GRIK4: variants seen among roughly 807,000 people sequenced by gnomAD.
GRIK4 encodes the protein glutamate receptor ionotropic, kainate 4.
Under a neutral mutation model 104.9 loss-of-function variants are expected in GRIK4, and 40 were observed. The ratio of observed to expected loss-of-function variants is 0.38; its 90% confidence interval spans 0.30 to 0.50. GRIK4 has a LOEUF of 0.50. GRIK4 is among the 20% of genes least tolerant of loss of function. GRIK4 has a pLI of 0.93. For missense variants in GRIK4, 1,047 were observed against 1,308.1 expected (o/e 0.80, Z 3.08); for synonymous variants, 485 against 524.9 (o/e 0.92, Z 1.04).
chr11:120,833,875 C>T lies in GRIK4; in HGVS notation c.690+1845C>T, dbSNP rs534060774. ...TTTTTGTCCACACTTAATTCTATGC[C>T]GTGCATTTTCCCCATGTCATTAAAC... On this transcript the variant is annotated intron_variant, in intron 7 of 20. Coordinates refer to ENST00000527524, the MANE Select transcript of GRIK4 (RefSeq NM_014619.5). 5.3e-5 allele frequency among the ~76,000 whole-genome samples: 8 copies of T among 152,218 alleles called. No homozygotes were observed. In the South Asian group the frequency reaches 8.3e-4, roughly 16 times the overall value.
At chr11:120,533,021 G>A (rs768434522) in intron 1 of GRIK4, among the ~76,000 whole-genome samples, 4 of 152,178 alleles carry the variant, frequency 2.6e-5, no homozygotes, top group Non-Finnish European at 4.4e-5. Context: ...GATGCAATGC[G>A]GTGTGATGTG....
At chr11:120,722,280 T>C (rs1198616710) in intron 3 of GRIK4, among the ~76,000 whole-genome samples, 1 of 152,240 alleles carries the variant, frequency 6.6e-6, no homozygotes, top group Non-Finnish European at 1.5e-5. Flanking sequence ...ACTTCCGCCA[T>C]GATGGAGGTA....
At chr11:120,654,334 G>T (rs928754991) in intron 2 of GRIK4, among the ~76,000 whole-genome samples, 1 of 152,250 alleles carries the variant, frequency 6.6e-6, no homozygotes, top group Admixed American at 6.5e-5. Flanking sequence ...TGAGTGCGTG[G>T]CCATGAAGAG....
At chr11:120,809,159 G>A (rs935572065) in intron 4 of GRIK4, among the ~76,000 whole-genome samples, 9 of 152,188 alleles carry the variant, frequency 5.9e-5, no homozygotes, top group Admixed American at 3.3e-4. Context: ...TAAGTTCCAC[G>A]ACGCCCCTCA....
At chr11:120,799,006 T>A (rs1241661376) in intron 3 of GRIK4, among the ~76,000 whole-genome samples, 1 of 152,252 alleles carries the variant, frequency 6.6e-6, no homozygotes, top group East Asian at 1.9e-4. Flanking sequence ...GAGCAGACCC[T>A]TTGGTGTGTG....
At chr11:120,941,739 G>A (rs1011918879) in intron 14 of GRIK4, among the ~76,000 whole-genome samples, 3 of 152,016 alleles carry the variant, frequency 2.0e-5, no homozygotes, top group Admixed American at 6.6e-5. Flanking sequence ...AAGGGACACC[G>A]GGTATTGCTA....
intron 1 of GRIK4, among the ~76,000 whole-genome samples, chr11:120,592,554 C>G (rs887227869): frequency 6.6e-6 from 1 of 152,076 alleles, no homozygotes; most frequent in African/African-American, 2.4e-5. Context: ...GATTTTTTAT[C>G]GAATGATGTT....
intron 1 of GRIK4, among the ~76,000 whole-genome samples, chr11:120,567,535 A>G (rs1948346196): frequency 6.6e-6 from 1 of 152,150 alleles, no homozygotes; most frequent in Non-Finnish European, 1.5e-5. Context: ...TAGAAAGGGG[A>G]TTTCGTGTTA....
At position 120,905,533 on chromosome 11, in the gene GRIK4, G is replaced by T; in HGVS notation, c.1476+40G>T. The T allele has an allele frequency of 9.2e-7, 1 of 1,081,314 alleles. No individual in the cohort carries two copies. The highest frequency in any genetic ancestry group is 1.4e-6 in the Non-Finnish European group (1 of 706,904). The allele number at this position is 1,081,314 out of a possible 1,614,324, so 67.0% of individuals were successfully genotyped here. A position where few individuals can be genotyped will look rare whatever the true frequency, so the allele number is the denominator to read the frequency against. On this transcript the variant is annotated intron_variant, in intron 13 of 20. Transcript: ENST00000527524. This position sits in a 1 kb window ranked among gnomAD's most constrained non-coding sequence, Gnocchi z 5.1. ...AGTGATCTGGGCCTGAGGGTGGGCTGGGAGGGATTGGAAGAGCATGAGGTT... is the reference window on the plus strand; with the variant it reads ...AGTGATCTGGGCCTGAGGGTGGGCTTGGAGGGATTGGAAGAGCATGAGGTT...
At chr11:120,520,588 G>A (rs1287291332) in intron 1 of GRIK4, among the ~76,000 whole-genome samples, 2 of 152,326 alleles carry the variant, frequency 1.3e-5, no homozygotes, top group African/African-American at 2.4e-5. Context: ...CAGGACTTTA[G>A]GAGGTTAAAA....
chr11:120,954,831 A>AC (rs1944103090), intron 15 of GRIK4, among the ~76,000 whole-genome samples: 182 of 2,958 alleles, frequency 0.062, 5 homozygotes, highest in South Asian at 0.15. Context: ...ACACACACAC[A>AC]AACAATACTG....
intron 1 of GRIK4, among the ~76,000 whole-genome samples, chr11:120,624,777 T>G (rs7952478): frequency 1.3e-5 from 2 of 151,880 alleles, no homozygotes; most frequent in Non-Finnish European, 2.9e-5. Flanking sequence ...CACCTCACCT[T>G]CTGCCCTTCA....
Position 120,859,553 on chromosome 11 carries a change from C to T in GRIK4, c.745-2406C>T, listed in dbSNP as rs151227702. ...GGAGTTGGGCTGATGTGTCTGCCCA[C>T]AATGATAAGGAAGCCAGGGAAGAGG... On this transcript the variant is annotated intron_variant, in intron 8 of 20. Coordinates refer to ENST00000527524, the MANE Select transcript of GRIK4 (RefSeq NM_014619.5). 4.6e-3 allele frequency among the ~76,000 whole-genome samples: 693 copies of T among 152,258 alleles called. 5 individuals are homozygous for T. The highest frequency in any genetic ancestry group is 8.4e-3 in the Non-Finnish European group (570 of 68,004).
intron 11 of GRIK4, among the ~76,000 whole-genome samples, chr11:120,875,805 G>A (rs368278164): frequency 5.3e-5 from 8 of 151,934 alleles, no homozygotes; most frequent in Non-Finnish European, 5.9e-5. Context: ...CTCATTCTCC[G>A]CCATTACCCT....
chr11:120,607,623 G>A (rs1364062150), intron 1 of GRIK4, among the ~76,000 whole-genome samples: 5 of 152,202 alleles, frequency 3.3e-5, no homozygotes, highest in Non-Finnish European at 5.9e-5. Flanking sequence ...GTGCCTGTAA[G>A]CTGGCCACAT....
chr11:120,660,889 C>T (rs1293900901), intron 3 of GRIK4, among the ~76,000 whole-genome samples: 1 of 152,148 alleles, frequency 6.6e-6, no homozygotes, highest in African/African-American at 2.4e-5. Context: ...CTTGCTGTGG[C>T]CTGGCTCTGA....
intron 11 of GRIK4, among the ~76,000 whole-genome samples, chr11:120,897,831 G>C (rs1276885480): frequency 6.6e-6 from 1 of 151,832 alleles, no homozygotes; most frequent in Non-Finnish European, 1.5e-5. Context: ...TGCTCAGAGA[G>C]GTTCAGTCAC....
At chr11:120,910,676 C>A (rs1942971228) in intron 13 of GRIK4, among the ~76,000 whole-genome samples, 1 of 152,216 alleles carries the variant, frequency 6.6e-6, no homozygotes, top group Non-Finnish European at 1.5e-5. Flanking sequence ...GATGTATAAA[C>A]AGTTTTGGTG....
intron 3 of GRIK4, among the ~76,000 whole-genome samples, chr11:120,780,077 C>T (rs528109171): frequency 6.6e-6 from 1 of 152,148 alleles, no homozygotes; most frequent in South Asian, 2.1e-4. Flanking sequence ...CTCTAATCTC[C>T]TAGATTATCA....
Sources: allele counts gnomAD v4.1 joint callset (sites outside exome capture counted in the v4.1 genomes callset), GRCh38; gene constraint gnomAD v4.1.1; non-coding constraint Gnocchi (gnomAD v3.1); transcripts MANE v1.5; gene names NCBI Gene and HGNC (gene_info 2026-07-23, HGNC 2026-07-21).